The following KCNAB2 variants were observed in gnomAD, a reference collection of about 807,000 sequenced individuals.
The protein encoded by KCNAB2 is potassium voltage-gated channel subfamily A regulatory beta subunit 2.
Under a neutral mutation model 63.6 loss-of-function variants are expected in KCNAB2, and 29 were observed. The ratio of observed to expected loss-of-function variants is 0.46; its 90% CI spans 0.34 to 0.62. KCNAB2 has a LOEUF of 0.62. Among genes scored for constraint, KCNAB2 ranks in the 20% least tolerant of loss-of-function variants. The pLI is 0.01. For synonymous variants in KCNAB2, 222 were observed against 224.2 expected, an observed-to-expected ratio of 0.99 and a Z score of 0.09; for missense variants, 359 against 563.9, an observed-to-expected ratio of 0.64 and a Z score of 3.68.
chr1:6,081,289 G>C (rs1477903906), intron 4 of KCNAB2, among the ~76,000 whole-genome samples: 1 of 152,258 alleles, frequency 6.6e-6, no homozygotes, highest in Admixed American at 6.5e-5. Context: ...CAAGAGGCCA[G>C]AATGGATGTC....
At chr1:6,011,947 T>G (rs1328248126) in intron 1 of KCNAB2, among the ~76,000 whole-genome samples, 1 of 151,976 alleles carries the variant, frequency 6.6e-6, no homozygotes, top group Non-Finnish European at 1.5e-5. Flanking sequence ...CAGAGGACAA[T>G]GAGCTGGCCT....
At chr1:6,022,045 GTTCAGTGGTATTGAGTGTGTCA>G in intron 1 of KCNAB2, among the ~76,000 whole-genome samples, 1 of 152,072 alleles carries the variant, frequency 6.6e-6, no homozygotes, top group African/African-American at 2.4e-5. Context: ...TGAGGGCACA[GTTCAGTGGTATTGAGTGTGTCA>G]TTCAGTGGCA....
chr1:6,078,915 G>A lies in KCNAB2; in HGVS notation c.301-3280G>A, dbSNP rs1034933491. Among the ~76,000 whole-genome samples, 4 of 152,224 alleles carry A rather than the reference G, an allele frequency of 2.6e-5. No homozygotes were observed. The highest frequency in any genetic ancestry group is 6.5e-5 in the Admixed American group (1 of 15,288). ...TGGGGAAGGTGCAGGGAGAGAGGAT[G>A]GAAGCAGAGAGCTAGGAGGCTATTG... On this transcript the variant is annotated intron_variant, in intron 4 of 15. Transcript: ENST00000378083. This position sits in a 1 kb window ranked among gnomAD's most constrained non-coding sequence, Gnocchi z 4.2.
chr1:6,046,940 T>C (rs1424951793), intron 1 of KCNAB2, among the ~76,000 whole-genome samples: 1 of 152,196 alleles, frequency 6.6e-6, no homozygotes, highest in African/African-American at 2.4e-5. Context: ...GAGGTTAACA[T>C]CTTCCTTGCA....
intron 1 of KCNAB2, among the ~76,000 whole-genome samples, chr1:6,050,677 A>C (rs1384573261): frequency 6.6e-6 from 1 of 152,214 alleles, no homozygotes; most frequent in Non-Finnish European, 1.5e-5. Flanking sequence ...CTACTGATGG[A>C]CATTTACATT....
intron 1 of KCNAB2, among the ~76,000 whole-genome samples, chr1:6,034,973 G>A (rs1032818874): frequency 1.1e-4 from 16 of 152,232 alleles, no homozygotes; most frequent in Non-Finnish European, 1.3e-4. Flanking sequence ...GGTGACAGGC[G>A]CTGGGGAGAA....
intron 1 of KCNAB2, among the ~76,000 whole-genome samples, chr1:6,015,338 C>T (rs1658432344): frequency 6.6e-6 from 1 of 152,092 alleles, no homozygotes; most frequent in Non-Finnish European, 1.5e-5. Context: ...CCTCACCTTC[C>T]TTTTTTAATG....
At chr1:6,041,741 G>T (rs1315615892), upstream of KCNAB2, 6 of 1,169,136 alleles carry the variant, frequency 5.1e-6, no homozygotes, top group South Asian at 1.2e-5. Context: ...GGTTCTTTCT[G>T]ACCTGCACCT....
At chr1:6,048,532 C>T (rs1661125628) in intron 1 of KCNAB2, among the ~76,000 whole-genome samples, 1 of 152,258 alleles carries the variant, frequency 6.6e-6, no homozygotes, top group African/African-American at 2.4e-5. Context: ...GGCACTCAGC[C>T]ACCCCGTCCT....
intron 1 of KCNAB2, among the ~76,000 whole-genome samples, chr1:6,004,227 G>GTT (rs1259561926): frequency 4.9e-5 from 7 of 141,564 alleles, no homozygotes; most frequent in East Asian, 2.0e-4. Context: ...TGGTTAGAGG[G>GTT]TTTTTTTTTT....
intron 1 of KCNAB2, among the ~76,000 whole-genome samples, chr1:6,015,611 C>T (rs1658447353): frequency 6.6e-6 from 1 of 152,246 alleles, no homozygotes; most frequent in Non-Finnish European, 1.5e-5. Context: ...CTGAAGACAG[C>T]TCCAGTGTCG....
Position 6,090,369 on chromosome 1 carries a change from C to A in KCNAB2, c.515-20C>A. 6.3e-7 allele frequency: 1 copy of A among 1,593,206 alleles called. No homozygotes were observed. The highest frequency in any genetic ancestry group is 2.2e-5 in the East Asian group (1 of 44,688). On this transcript the variant is annotated intron_variant, in intron 8 of 15. Coordinates refer to ENST00000378083, the MANE Select transcript of KCNAB2 (RefSeq NM_001199862.2). ...GATGGAGCCACAGCAGTGACGCCCC[C>A]CCACCTGGTCCTCCCCCAGGTCTGA...
At chr1:6,091,711 C>T (rs1034065711) in intron 10 of KCNAB2, among the ~76,000 whole-genome samples, 5 of 152,110 alleles carry the variant, frequency 3.3e-5, no homozygotes, top group South Asian at 2.1e-4. Flanking sequence ...CCAAAACACG[C>T]GGCCCCCCAC....
Position 6,003,093 on chromosome 1 carries a change from G to A in KCNAB2, c.-53+10305G>A, listed in dbSNP as rs768430659. Among the ~76,000 whole-genome samples the A allele has an allele frequency of 8.5e-5, 13 of 152,332 alleles. No individual in the cohort carries two copies. The East Asian group carries it at 1.2e-3, about 14-fold the overall frequency. ...CCTGATCCTGCGCCCCAGGCGACCCGTTCACGGGGCGGGCGCTCGCCCTTG... is the reference window on the plus strand; with the variant it reads ...CCTGATCCTGCGCCCCAGGCGACCCATTCACGGGGCGGGCGCTCGCCCTTG... On this transcript the variant is annotated intron_variant, in intron 1 of 16. Coordinates refer to the KCNAB2 transcript ENST00000341524. The surrounding 1 kb of genome is among the most constrained non-coding windows in gnomAD (Gnocchi z 4.1).
rs1292222064 is a variant in KCNAB2 at position 6,074,826 on chromosome 1, C to T, written c.300+1056C>T. On this transcript the variant is annotated intron_variant, in intron 4 of 15. Coordinates refer to ENST00000378083, the MANE Select transcript of KCNAB2 (RefSeq NM_001199862.2). The surrounding 1 kb of genome is among the most constrained non-coding windows in gnomAD (Gnocchi z 4.9). ...AAAAATTAGCTGGGCGTGGTAGGGG[C>T]GCCTGTAATCCCAGCTACTCAGGAG... 1.3e-5 allele frequency among the ~76,000 whole-genome samples: 2 copies of T among 151,820 alleles called. No individual in the cohort carries two copies. Among genetic ancestry groups the T allele is most frequent in the Admixed American group, 6.6e-5 (1 of 15,236 alleles).
chr1:5,993,931 GC>G (rs1442869560), intron 1 of KCNAB2, among the ~76,000 whole-genome samples: 4 of 152,340 alleles, frequency 2.6e-5, no homozygotes, highest in African/African-American at 9.6e-5. Context: ...TTGGGAGGGG[GC>G]TGAGGAGCTG....
At chr1:6,046,238 G>T in intron 1 of KCNAB2, 55 bp downstream of exon 1, 1 of 969,552 alleles carries the variant, frequency 1.0e-6, no homozygotes, top group East Asian at 1.1e-4. Flanking sequence ...TTGGGGGCAC[G>T]CATCCGCGGG....
chr1:6,060,672 C>G (rs1662231419), intron 2 of KCNAB2, among the ~76,000 whole-genome samples: 2 of 152,190 alleles, frequency 1.3e-5, no homozygotes, highest in African/African-American at 4.8e-5. Context: ...GAGGCCCAGG[C>G]AGGTGGCGGA....
In KCNAB2 at chr1:5,996,798, C is replaced by T. The variant is rs1323126453; in HGVS notation, c.-53+4010C>T. ...TCTTGAGCCCTGACTGCCGAGCAGC[C>T]GAGATCTATCATCCAACTCCATGGC... On this transcript the variant is annotated intron_variant, in intron 1 of 16. Transcript: ENST00000341524. 3.3e-5 allele frequency among the ~76,000 whole-genome samples: 5 copies of T among 152,322 alleles called. No individual in the cohort carries two copies. In the East Asian group the frequency reaches 9.6e-4, roughly 29 times the overall value.
Sources: gnomAD v4.1 joint callset for allele counts (sites outside exome capture counted in the v4.1 genomes callset) on GRCh38, gnomAD v4.1.1 for gene constraint, Gnocchi (gnomAD v3.1) non-coding constraint, MANE v1.5 for transcripts, NCBI Gene and HGNC (gene_info 2026-07-23, HGNC 2026-07-21) for gene names.